Variants in MCTP1 observed in about 807,000 individuals in gnomAD.
The protein encoded by MCTP1 is multiple C2 and transmembrane domain-containing protein 1.
In MCTP1, 69 loss-of-function variants were observed where a neutral mutation model predicts 120.6. The observed-to-expected ratio is 0.57, with a 90% confidence interval of 0.47 to 0.70. The LOEUF (loss-of-function observed/expected upper bound fraction) is 0.70, where lower values mean the gene tolerates loss of function less well. Ranked by LOEUF, MCTP1 falls within the 30% of genes least tolerant of loss-of-function variation. The probability of loss-of-function intolerance (pLI) is 0.00; values close to 1 mark genes in which losing one functional copy is unlikely to be tolerated. For missense variants in MCTP1, 1,203 were observed against 1,248.8 expected, an observed-to-expected ratio of 0.96 and a Z score of 0.55; for synonymous variants, 529 against 493.1, an observed-to-expected ratio of 1.07 and a Z score of -0.96.
At chr5:95,167,417 T>C (rs1055204999) in intron 1 of MCTP1, among the ~76,000 whole-genome samples, 1 of 152,230 alleles carries the variant, frequency 6.6e-6, no homozygotes, top group Non-Finnish European at 1.5e-5. Flanking sequence ...CCTTTGGGTA[T>C]ATACCCAGTA....
In MCTP1 at chr5:94,894,644, C is replaced by T. The variant is rs371122244; in HGVS notation, c.1839+5G>A. ...TCTCTGGAAGGAGGAGGGTTACATACGTACATATCTCTTTAATATCTCCTC... is the reference window on the plus strand; with the variant it reads ...TCTCTGGAAGGAGGAGGGTTACATATGTACATATCTCTTTAATATCTCCTC... On this transcript the variant is annotated splice_donor_5th_base_variant and intron_variant, in intron 11 of 22. Coordinates refer to ENST00000515393, the MANE Select transcript of MCTP1 (RefSeq NM_024717.7). 20 of 1,577,644 alleles carry T rather than the reference C, an allele frequency of 1.3e-5. No individual in the cohort carries two copies. Among genetic ancestry groups the T allele is most frequent in the South Asian group, 2.3e-5 (2 of 87,114 alleles).
chr5:94,914,608 A>G lies in MCTP1; in HGVS notation c.1351-1632T>C, dbSNP rs148230036. ...TGGTGGCTCTGCCCTATGAATATCA[A>G]CGCAGGCTTTTGTCTACATACTCTT... On this transcript the variant is annotated intron_variant, in intron 8 of 22. Transcript: ENST00000515393. 2.6e-5 allele frequency among the ~76,000 whole-genome samples: 4 copies of G among 152,040 alleles called. No individual in the cohort carries two copies. In the East Asian group the frequency reaches 7.7e-4, roughly 29 times the overall value.
In MCTP1 at chr5:95,267,705, G is replaced by C. The variant is rs549382331; in HGVS notation, c.720+16151C>G. Among the ~76,000 whole-genome samples, 4 of 152,320 alleles carry C rather than the reference G, an allele frequency of 2.6e-5. No individual in the cohort carries two copies. The East Asian group carries it at 7.7e-4, about 29-fold the overall frequency. Reference sequence around the variant, plus strand: ...CAAGGACATGAAGTCTCCTGAAGATGGTTCTTCCCTTCAAGGCTGAGCATC... The same window carrying C: ...CAAGGACATGAAGTCTCCTGAAGATCGTTCTTCCCTTCAAGGCTGAGCATC... On this transcript the variant is annotated intron_variant, in intron 1 of 22. Transcript: ENST00000515393.
At chr5:94,774,750 A>G (rs1457948588) in intron 19 of MCTP1, among the ~76,000 whole-genome samples, 2 of 152,230 alleles carry the variant, frequency 1.3e-5, no homozygotes, top group African/African-American at 4.8e-5. Flanking sequence ...AATGAAAACA[A>G]TGCTATTCCA....
chr5:94,985,366 T>C (rs1830263973), intron 2 of MCTP1, among the ~76,000 whole-genome samples: 1 of 152,226 alleles, frequency 6.6e-6, no homozygotes, highest in African/African-American at 2.4e-5. Flanking sequence ...GTTATTTAAA[T>C]TTTCATTTTG....
intron 1 of MCTP1, among the ~76,000 whole-genome samples, chr5:95,104,981 A>T (rs551366158): frequency 1.3e-5 from 2 of 152,278 alleles, no homozygotes; most frequent in East Asian, 3.9e-4. Flanking sequence ...TTCTGTAAAA[A>T]ATTATTTATT....
intron 12 of MCTP1, among the ~76,000 whole-genome samples, chr5:94,882,987 T>C (rs541038719): frequency 1.3e-5 from 2 of 152,302 alleles, no homozygotes; most frequent in Non-Finnish European, 2.9e-5. Flanking sequence ...TGATAACAAC[T>C]CTTTGGTTTT....
intron 1 of MCTP1, among the ~76,000 whole-genome samples, chr5:95,126,628 A>G (rs1427291702): frequency 1.3e-5 from 2 of 152,110 alleles, no homozygotes; most frequent in African/African-American, 4.8e-5. Flanking sequence ...TGAAATTTTG[A>G]TATTGGTGTG....
intron 1 of MCTP1, among the ~76,000 whole-genome samples, chr5:95,212,281 T>C (rs1056858476): frequency 2.6e-5 from 4 of 152,158 alleles, no homozygotes; most frequent in African/African-American, 9.7e-5. Context: ...GATAAATTCC[T>C]CCACACATAC....
At chr5:95,036,772 C>T (rs899940420) in intron 1 of MCTP1, among the ~76,000 whole-genome samples, 2 of 152,172 alleles carry the variant, frequency 1.3e-5, no homozygotes, top group African/African-American at 2.4e-5. Flanking sequence ...TATTCCAACA[C>T]TTGATTTTCT....
chr5:94,775,676 G>A (rs964782052), intron 19 of MCTP1, among the ~76,000 whole-genome samples: 8 of 151,990 alleles, frequency 5.3e-5, no homozygotes, highest in Non-Finnish European at 1.5e-5. Flanking sequence ...TTAACATAGT[G>A]CTACTACATA....
At chr5:94,904,670 C>T (rs1581267324) in intron 10 of MCTP1, among the ~76,000 whole-genome samples, 1 of 152,222 alleles carries the variant, frequency 6.6e-6, no homozygotes, top group Non-Finnish European at 1.5e-5. Context: ...TACCTTTCCA[C>T]AGTTACACTG....
intron 12 of MCTP1, among the ~76,000 whole-genome samples, chr5:94,875,169 T>C (rs532435382): frequency 2.0e-5 from 3 of 152,118 alleles, no homozygotes; most frequent in Non-Finnish European, 2.9e-5. Context: ...ATGGGAAAGG[T>C]AAAAGGGAGT....
chr5:95,079,322 C>T (rs1463982382), intron 1 of MCTP1, among the ~76,000 whole-genome samples: 1 of 152,064 alleles, frequency 6.6e-6, no homozygotes, highest in East Asian at 1.9e-4. Context: ...TGTTTCCAAA[C>T]TCTGTAGATA....
chr5:95,148,072 T>C (rs1760568836), intron 1 of MCTP1, among the ~76,000 whole-genome samples: 1 of 152,212 alleles, frequency 6.6e-6, no homozygotes, highest in African/African-American at 2.4e-5. Context: ...GGTCTGCTGC[T>C]AGCCTATTGG....
At chr5:94,917,802 AGGGAG>A in intron 8 of MCTP1, 89 bp downstream of exon 8, 1 of 876,156 alleles carries the variant, frequency 1.1e-6, no homozygotes, top group Non-Finnish European at 1.9e-6. Flanking sequence ...AGGTTAGTAT[AGGGAG>A]TGGGTTTTCA....
At chr5:94,918,069 C>T (rs1016231040) in intron 7 of MCTP1, 96 bp from the exon 8 acceptor site, 18 of 902,862 alleles carry the variant, frequency 2.0e-5, no homozygotes, top group Non-Finnish European at 2.6e-5. Flanking sequence ...CTTCAGAAAA[C>T]ATTATTTGAG....
intron 20 of MCTP1, among the ~76,000 whole-genome samples, chr5:94,711,720 G>T (rs1379535383): frequency 1.5e-5 from 2 of 136,748 alleles, no homozygotes; most frequent in Admixed American, 1.5e-4. Context: ...AACAGAAGTA[G>T]AAGTTACAAA....
At chr5:94,838,556 C>A (rs1387389643) in intron 17 of MCTP1, among the ~76,000 whole-genome samples, 1 of 152,106 alleles carries the variant, frequency 6.6e-6, no homozygotes, top group Non-Finnish European at 1.5e-5. Flanking sequence ...CCAGAAACTC[C>A]CATACAATGC....
Sources: gnomAD v4.1 joint callset for allele counts (sites outside exome capture counted in the v4.1 genomes callset) on GRCh38, gnomAD v4.1.1 for gene constraint, MANE v1.5 for transcripts, NCBI Gene and HGNC (gene_info 2026-07-23, HGNC 2026-07-21) for gene names.